Variants in CSMD1 observed in about 807,000 individuals in gnomAD.
CSMD1 encodes CUB and sushi domain-containing protein 1.
A neutral mutation model predicts 417.5 loss-of-function variants in CSMD1; 213 were observed. The ratio of observed to expected loss-of-function variants is 0.51; its 90% CI spans 0.46 to 0.57. CSMD1 has a LOEUF of 0.57. Ranked by LOEUF, CSMD1 falls within the 20% of genes least tolerant of loss-of-function variation. CSMD1 has a pLI of 0.00. For synonymous variants in CSMD1, 2,862 were observed against 1,736.8 expected (o/e 1.65, Z -16.11); for missense variants, 6,923 against 4,529.7 (o/e 1.53, Z -15.17).
At chr8:3,309,428 G>T (rs1048222428) in intron 23 of CSMD1, among the ~76,000 whole-genome samples, 2 of 141,908 alleles carry the variant, frequency 1.4e-5, no homozygotes, top group Admixed American at 1.6e-4. Flanking sequence ...CTCCAGAAAT[G>T]AATCATTATA....
chr8:3,401,516 G>T (rs1468894593), intron 15 of CSMD1, among the ~76,000 whole-genome samples: 1 of 152,076 alleles, frequency 6.6e-6, no homozygotes, highest in African/African-American at 2.4e-5. Flanking sequence ...AATGATCTCA[G>T]TAAGTAGATT....
At chr8:3,064,863 T>C (rs1425757982) in intron 49 of CSMD1, among the ~76,000 whole-genome samples, 5 of 152,116 alleles carry the variant, frequency 3.3e-5, no homozygotes, top group Non-Finnish European at 7.4e-5. Context: ...GTTAGGGGCT[T>C]AGTTTCAGAA....
At chr8:4,872,297 C>T (rs538703049) in intron 1 of CSMD1, among the ~76,000 whole-genome samples, 5 of 151,830 alleles carry the variant, frequency 3.3e-5, no homozygotes, top group Non-Finnish European at 7.4e-5. Context: ...GCTTTGTGTC[C>T]CCACCCAAAT....
At chr8:4,863,996 T>C (rs781474527) in intron 1 of CSMD1, among the ~76,000 whole-genome samples, 1 of 152,060 alleles carries the variant, frequency 6.6e-6, no homozygotes, top group Non-Finnish European at 1.5e-5. Flanking sequence ...ATTCAGTACA[T>C]GTCTATATAT....
intron 18 of CSMD1, among the ~76,000 whole-genome samples, chr8:3,381,985 C>T (rs553090011): frequency 3.4e-4 from 52 of 152,214 alleles, no homozygotes; most frequent in Non-Finnish European, 6.3e-4. Context: ...AGGCTGGGCG[C>T]GGTGGCTCAC....
rs528098191 is a variant in CSMD1 at position 4,428,163 on chromosome 8, T to C, written c.303-8098A>G. 5.3e-5 allele frequency among the ~76,000 whole-genome samples: 8 copies of C among 152,352 alleles called. No homozygotes were observed. In the East Asian group the frequency reaches 1.5e-3, roughly 29 times the overall value. On this transcript the variant is annotated intron_variant, in intron 2 of 69. Coordinates refer to ENST00000635120, the MANE Select transcript of CSMD1 (RefSeq NM_033225.6). ...AGCACCCACCACATCTATGTGAATC[T>C]GGCTTCACTTAAAAGGAAAACAAAC...
intron 3 of CSMD1, among the ~76,000 whole-genome samples, chr8:4,358,606 G>T (rs1263607708): frequency 6.6e-6 from 1 of 152,108 alleles, no homozygotes; most frequent in Non-Finnish European, 1.5e-5. Flanking sequence ...GAAAGTAATA[G>T]TCTAACAGGG....
In CSMD1 at chr8:2,936,404, C is replaced by T. The variant is rs1392750523; in HGVS notation, c.*2181G>A. The T allele has an allele frequency of 1.3e-5, 2 of 150,734 alleles. No individual in the cohort carries two copies. Among genetic ancestry groups the T allele is most frequent in the Admixed American group, 6.6e-5 (1 of 15,038 alleles). 9.3% of individuals were successfully genotyped at this position (150,734 alleles called of 1,614,324 possible). Reference sequence around the variant, plus strand: ...ATATATATATGTATGTATATATATACACTAATATGTATAGTAACCCTGTTC... The same window carrying T: ...ATATATATATGTATGTATATATATATACTAATATGTATAGTAACCCTGTTC... On this transcript the variant is annotated 3_prime_UTR_variant, in exon 70 of 70. Coordinates refer to ENST00000635120, the MANE Select transcript of CSMD1 (RefSeq NM_033225.6).
chr8:3,664,411 G>C (rs528473343), intron 7 of CSMD1, among the ~76,000 whole-genome samples: 3 of 152,274 alleles, frequency 2.0e-5, no homozygotes, highest in South Asian at 4.1e-4. Context: ...ACCTGAATCA[G>C]TTCTCTTCCA....
chr8:4,109,536 T>G, intron 3 of CSMD1, among the ~76,000 whole-genome samples: 1 of 152,100 alleles, frequency 6.6e-6, no homozygotes, highest in East Asian at 1.9e-4. Flanking sequence ...GTCACTGAAG[T>G]TTTCAGGCAA....
chr8:4,737,533 T>A (rs1315188130), intron 1 of CSMD1, among the ~76,000 whole-genome samples: 1 of 152,138 alleles, frequency 6.6e-6, no homozygotes, highest in African/African-American at 2.4e-5. Context: ...ACCAGACACA[T>A]GATTGATGAT....
intron 1 of CSMD1, among the ~76,000 whole-genome samples, chr8:4,831,111 T>C (rs1800124263): frequency 6.6e-6 from 1 of 152,138 alleles, no homozygotes; most frequent in Middle Eastern, 3.2e-3. Context: ...ACCTATGCCT[T>C]AGGAAAAAAG....
At chr8:3,515,771 A>G (rs546582272) in intron 10 of CSMD1, among the ~76,000 whole-genome samples, 25 of 152,334 alleles carry the variant, frequency 1.6e-4, no homozygotes, top group East Asian at 9.7e-4. Context: ...TTTAACAACT[A>G]CTTTCTGAAC....
chr8:4,039,540 G>A (rs535314323), intron 3 of CSMD1, among the ~76,000 whole-genome samples: 32 of 152,268 alleles, frequency 2.1e-4, no homozygotes, highest in African/African-American at 7.2e-4. Flanking sequence ...TATGACAAAA[G>A]CAATGAGGAC....
intron 5 of CSMD1, among the ~76,000 whole-genome samples, chr8:3,855,942 C>G (rs575669030): frequency 7.6e-4 from 116 of 152,232 alleles, no homozygotes; most frequent in Non-Finnish European, 1.2e-3. Flanking sequence ...TATTGAATCC[C>G]AGAAGCATCT....
chr8:2,995,119 G>A (rs1342727455), intron 54 of CSMD1, among the ~76,000 whole-genome samples: 1 of 152,116 alleles, frequency 6.6e-6, no homozygotes, highest in Non-Finnish European at 1.5e-5. Context: ...GAGAGACTGG[G>A]AAAAATTCTG....
At chr8:4,023,120 G>C (rs1247601362) in intron 4 of CSMD1, among the ~76,000 whole-genome samples, 1 of 152,150 alleles carries the variant, frequency 6.6e-6, no homozygotes, top group African/African-American at 2.4e-5. Context: ...ATGTACAGGA[G>C]ATGCACTCTA....
chr8:4,224,363 C>T (rs900926282), intron 3 of CSMD1, among the ~76,000 whole-genome samples: 4 of 152,070 alleles, frequency 2.6e-5, no homozygotes, highest in Admixed American at 2.0e-4. Context: ...TACGATGTTG[C>T]GCAACAGCAC....
chr8:3,238,657 G>C (rs1044737813), intron 26 of CSMD1, among the ~76,000 whole-genome samples: 1 of 152,072 alleles, frequency 6.6e-6, no homozygotes, highest in African/African-American at 2.4e-5. Flanking sequence ...TGATGGCCTG[G>C]ATACAGTTTT....
Sources: gnomAD v4.1 joint callset for allele counts (sites outside exome capture counted in the v4.1 genomes callset) on GRCh38, gnomAD v4.1.1 for gene constraint, MANE v1.5 for transcripts, NCBI Gene and HGNC (gene_info 2026-07-23, HGNC 2026-07-21) for gene names.